ZFYVE9: variants seen among roughly 807,000 people sequenced by gnomAD.
The protein encoded by ZFYVE9 is zinc finger FYVE domain-containing protein 9.
Under a neutral mutation model 126.7 loss-of-function variants are expected in ZFYVE9, and 43 were observed. The ratio of observed to expected loss-of-function variants is 0.34; its 90% CI spans 0.27 to 0.44. The LOEUF (loss-of-function observed/expected upper bound fraction) is 0.44. Among genes scored for constraint, ZFYVE9 ranks in the 20% least tolerant of loss-of-function variants. ZFYVE9 has a pLI of 1.00. For synonymous variants in ZFYVE9, 521 were observed against 597.4 expected (o/e 0.87, Z 1.87); for missense variants, 1,476 against 1,697.0 (o/e 0.87, Z 2.29).
At chr1:52,251,026 T>TTTG (rs200636201) in intron 4 of ZFYVE9, among the ~76,000 whole-genome samples, 5,227 of 147,004 alleles carry the variant, frequency 0.036, 96 homozygotes, top group East Asian at 0.045. Context: ...TTCAGTCGTT[T>TTTG]TTGTTGTTGT....
At chr1:52,227,344 A>G (rs1645179931) in intron 2 of ZFYVE9, among the ~76,000 whole-genome samples, 1 of 127,818 alleles carries the variant, frequency 7.8e-6, no homozygotes, top group Non-Finnish European at 1.6e-5. Context: ...TCACTTGCCA[A>G]AATCTCATCC....
At chr1:52,314,313 G>C (rs1050909684) in intron 13 of ZFYVE9, among the ~76,000 whole-genome samples, 1 of 152,200 alleles carries the variant, frequency 6.6e-6, no homozygotes, top group African/African-American at 2.4e-5. Flanking sequence ...TTGCAAGACA[G>C]TGCAGCAAAA....
intron 1 of ZFYVE9, among the ~76,000 whole-genome samples, chr1:52,189,363 A>C (rs1282992138): frequency 6.6e-6 from 1 of 151,884 alleles, no homozygotes; most frequent in Non-Finnish European, 1.5e-5. Flanking sequence ...CAGCCTCCCA[A>C]GTAGCTGGGA....
At chr1:52,226,507 G>T (rs550363709) in intron 2 of ZFYVE9, among the ~76,000 whole-genome samples, 1 of 152,272 alleles carries the variant, frequency 6.6e-6, no homozygotes, top group Admixed American at 6.5e-5. Flanking sequence ...CTGCACTCCA[G>T]CCTGGGTAGC....
chr1:52,146,666 A>G (rs543606085), intron 1 of ZFYVE9, among the ~76,000 whole-genome samples: 25 of 152,252 alleles, frequency 1.6e-4, no homozygotes, highest in African/African-American at 5.5e-4. Flanking sequence ...TGGAAAATAT[A>G]TTTCTCTGAG....
chr1:52,316,476 CTGGTCTCAAA>C (rs1454910269), intron 13 of ZFYVE9, among the ~76,000 whole-genome samples: 1 of 138,508 alleles, frequency 7.2e-6, no homozygotes. Context: ...CAGAGTGAGA[CTGGTCTCAAA>C]AAAAAAAAAA....
At chr1:52,220,037 A>G (rs952995093) in intron 2 of ZFYVE9, among the ~76,000 whole-genome samples, 11 of 151,998 alleles carry the variant, frequency 7.2e-5, no homozygotes, top group Non-Finnish European at 1.5e-4. Flanking sequence ...TGGCCTCCCA[A>G]AGTGCTGGGA....
chr1:52,209,454 C>T (rs952819823), intron 1 of ZFYVE9, among the ~76,000 whole-genome samples: 5 of 152,082 alleles, frequency 3.3e-5, no homozygotes, highest in African/African-American at 9.7e-5. Context: ...AGAACATTTT[C>T]ATCACCCCAA....
chr1:52,142,835 G>A lies in ZFYVE9; in HGVS notation c.-143+432G>A, dbSNP rs1276932460. ...CCCTCAGAATCCCGGTTGTGGCGGG[G>A]AAAGGGGGAGGAGAGGAAGGCCAGG... On this transcript the variant is annotated intron_variant, in intron 1 of 18. Coordinates refer to ENST00000287727, the MANE Select transcript of ZFYVE9 (RefSeq NM_004799.4). The surrounding 1 kb of genome is among the most constrained non-coding windows in gnomAD (Gnocchi z 4.5). Among the ~76,000 whole-genome samples the A allele has an allele frequency of 2.0e-5, 3 of 152,224 alleles. No individual in the cohort carries two copies. Among genetic ancestry groups the A allele is most frequent in the African/African-American group, 7.2e-5 (3 of 41,470 alleles).
intron 2 of ZFYVE9, among the ~76,000 whole-genome samples, chr1:52,226,312 G>A (rs1255220602): frequency 6.6e-6 from 1 of 152,172 alleles, no homozygotes; most frequent in East Asian, 1.9e-4. Context: ...CGACTTCACA[G>A]ACTGCTCTTT....
intron 7 of ZFYVE9, among the ~76,000 whole-genome samples, chr1:52,273,001 GTTTTTC>G (rs1553131106): frequency 6.6e-6 from 1 of 151,246 alleles, no homozygotes; most frequent in Non-Finnish European, 1.5e-5. Flanking sequence ...AGCTTTTACT[GTTTTTC>G]TTTTAACTTT....
At chr1:52,301,038 T>C (rs1569709964) in intron 12 of ZFYVE9, among the ~76,000 whole-genome samples, 1 of 151,816 alleles carries the variant, frequency 6.6e-6, no homozygotes, top group African/African-American at 2.4e-5. Context: ...TTTTGTATTT[T>C]TAGTAGAGAC....
At chr1:52,287,039 C>T (rs1383166727) in intron 10 of ZFYVE9, among the ~76,000 whole-genome samples, 1 of 152,180 alleles carries the variant, frequency 6.6e-6, no homozygotes, top group East Asian at 1.9e-4. Context: ...GATGACCCTC[C>T]CAGACAGAAG....
intron 4 of ZFYVE9, among the ~76,000 whole-genome samples, chr1:52,257,372 TA>T (rs1428749590): frequency 6.6e-6 from 1 of 152,194 alleles, no homozygotes; most frequent in African/African-American, 2.4e-5. Context: ...GTCATCTGAC[TA>T]GAGAATAATC....
chr1:52,213,827 G>T (rs1169355044), intron 1 of ZFYVE9, among the ~76,000 whole-genome samples: 1 of 152,112 alleles, frequency 6.6e-6, no homozygotes, highest in Non-Finnish European at 1.5e-5. Flanking sequence ...TAAGCTGCTT[G>T]CCTGCGGAGG....
chr1:52,336,134 TA>T lies in ZFYVE9; in HGVS notation c.3670+1378del, dbSNP rs112494573. On this transcript the variant is annotated intron_variant, in intron 15 of 18. Coordinates refer to ENST00000287727, the MANE Select transcript of ZFYVE9 (RefSeq NM_004799.4). ...GGGCGACAGAGTGAGACTCTATCTT[TA>T]AAAAAAAAAAAGGTCCTTTCTTAGG... 6.3e-3 allele frequency among the ~76,000 whole-genome samples: 896 copies of T among 142,920 alleles called. 4 individuals carry two copies. Among genetic ancestry groups the T allele is most frequent in the African/African-American group, 0.017 (681 of 39,390 alleles). The allele number at this position is 142,920 out of a possible 152,430, so 93.8% of individuals were successfully genotyped here.
At position 52,190,918 on chromosome 1, in the gene ZFYVE9, A is replaced by C. The variant is rs1170259003; in HGVS notation, c.-142-25451A>C. Among the ~76,000 whole-genome samples, 3 of 152,206 alleles carry C rather than the reference A, an allele frequency of 2.0e-5. No individual in the cohort carries two copies. In the East Asian group the frequency reaches 5.8e-4, roughly 29 times the overall value. On this transcript the variant is annotated intron_variant, in intron 1 of 18. Coordinates refer to ENST00000287727, the MANE Select transcript of ZFYVE9 (RefSeq NM_004799.4). ...GGAAGAAGCAAATAGATAAATATCT[A>C]TTATATTTTATGGATATTCATTCCC... is the stretch of plus-strand genomic sequence containing the variant.
chr1:52,169,278 C>T (rs995845026), intron 1 of ZFYVE9, among the ~76,000 whole-genome samples: 6 of 152,100 alleles, frequency 3.9e-5, no homozygotes, highest in African/African-American at 1.2e-4. Flanking sequence ...TGGTACACGC[C>T]TGTACTCCCA....
Position 52,266,694 on chromosome 1 carries a change from G to A in ZFYVE9, c.2318G>A (p.Ser773Asn), listed in dbSNP as rs754931404. 24 of 1,609,464 alleles carry A rather than the reference G, an allele frequency of 1.5e-5. No individual in the cohort carries two copies. In the East Asian group the frequency reaches 3.6e-4, roughly 24 times the overall value. The change falls in exon 6 of 19, where the codon AGC becomes AAC. Residue 773 changes from serine to asparagine, a missense_variant. Physicochemically the swap from Ser to Asn is conservative, Grantham distance 46 (BLOSUM62 1). Transcript: ENST00000287727. ...AACATGATGAGTGCCTCAAGCCAGAGCCCTAACCCTAACAATCCTGCTGAA... is the reference window on the plus strand; with the variant it reads ...AACATGATGAGTGCCTCAAGCCAGAACCCTAACCCTAACAATCCTGCTGAA... The part of the protein sequence containing the change: ...WENMMSASSQ[S>N]PNPNNPAEYC...
Sources: gnomAD v4.1 joint callset for allele counts (sites outside exome capture counted in the v4.1 genomes callset) on GRCh38, gnomAD v4.1.1 for gene constraint, Gnocchi (gnomAD v3.1) non-coding constraint, MANE v1.5 for transcripts, NCBI Gene and HGNC (gene_info 2026-07-23, HGNC 2026-07-21) for gene names.